The following GRIN2D variants were observed in gnomAD, a reference collection of about 807,000 sequenced individuals.
GRIN2D encodes the protein glutamate receptor ionotropic, NMDA 2D.
A neutral mutation model predicts 103.2 loss-of-function variants in GRIN2D; 37 were observed. The ratio of observed to expected loss-of-function variants is 0.36; its 90% CI spans 0.28 to 0.47. GRIN2D has a LOEUF of 0.47. Among genes scored for constraint, GRIN2D ranks in the 20% least tolerant of loss-of-function variants. The pLI, the probability that GRIN2D is intolerant of heterozygous loss-of-function variation, is 1.00. For synonymous variants in GRIN2D, 845 were observed against 885.6 expected (o/e 0.95, Z 0.81); for missense variants, 1,557 against 1,910.6 (o/e 0.81, Z 3.45).
At chr19:48,409,221 G>T (rs1202373992) in intron 4 of GRIN2D, among the ~76,000 whole-genome samples, 1 of 148,424 alleles carries the variant, frequency 6.7e-6, no homozygotes, top group Non-Finnish European at 1.5e-5. Flanking sequence ...GCTTCTTAAA[G>T]TTTCCACCTC....
chr19:48,415,956 G>C (rs1027730014), intron 7 of GRIN2D, 46 bp from the exon 8 acceptor site: 1 of 1,572,324 alleles, frequency 6.4e-7, no homozygotes, highest in Non-Finnish European at 8.7e-7. Context: ...CAGTCTGTCC[G>C]CTTGAGCCGG....
chr19:48,400,223 T>C (rs930200141), intron 3 of GRIN2D, among the ~76,000 whole-genome samples: 6 of 151,648 alleles, frequency 4.0e-5, no homozygotes, highest in Middle Eastern at 6.9e-3. Context: ...GGATTGAGAA[T>C]GGGTCAGCTA....
chr19:48,419,063 T>C (rs909717016), intron 8 of GRIN2D, among the ~76,000 whole-genome samples, 171 bp from the exon 9 acceptor site: 30 of 151,364 alleles, frequency 2.0e-4, no homozygotes, highest in Non-Finnish European at 4.0e-4. Context: ...TTTTTTTTTT[T>C]TGTAGAGACA....
intron 2 of GRIN2D, among the ~76,000 whole-genome samples, chr19:48,395,688 G>A (rs891591782): frequency 2.0e-5 from 3 of 152,024 alleles, no homozygotes; most frequent in Non-Finnish European, 4.4e-5. Context: ...GGGACAGGCT[G>A]TGCTATGTAC....
At chr19:48,441,398 C>T (rs1362681617) in intron 11 of GRIN2D, among the ~76,000 whole-genome samples, 1 of 150,232 alleles carries the variant, frequency 6.7e-6, no homozygotes, top group Non-Finnish European at 1.5e-5. Context: ...AAGAAAAAGT[C>T]ACAGTTAACA....
chr19:48,422,059 G>A, intron 11 of GRIN2D, 114 bp downstream of exon 11: 1 of 1,036,136 alleles, frequency 9.7e-7, no homozygotes, highest in South Asian at 1.6e-5. Flanking sequence ...AGCCCTGGGT[G>A]GGTCAGCTTG....
intron 4 of GRIN2D, among the ~76,000 whole-genome samples, chr19:48,412,012 G>A (rs1281929485): frequency 6.6e-6 from 1 of 151,446 alleles, no homozygotes. Flanking sequence ...GGGAAAAGTA[G>A]TGAGACCCTA....
rs1363358713 is a variant in GRIN2D at position 48,443,280 on chromosome 19, G to A, written c.3354G>A (p.Ser1118=). Residue 1118 remains serine, a synonymous_variant, in exon 14 of 14, where the codon TCG becomes TCA. Coordinates refer to ENST00000263269, the MANE Select transcript of GRIN2D (RefSeq NM_000836.4). The surrounding 1 kb of genome is among the most constrained non-coding windows in gnomAD (Gnocchi z 8.9). ...LEPSPSDSED[S]ESLGGASLGG... ...CGTCGCCGTCGGACTCGGAGGACTC[G>A]GAGAGCCTGGGCGGCGCGTCGCTGG... 1.3e-6 allele frequency: 2 copies of A among 1,530,748 alleles called. No homozygotes were observed. Among genetic ancestry groups the A allele is most frequent in the African/African-American group, 1.4e-5 (1 of 69,714 alleles). 94.8% of individuals were successfully genotyped at this position (1,530,748 alleles called of 1,614,324 possible).
At chr19:48,403,026 C>T (rs1970737735) in intron 3 of GRIN2D, among the ~76,000 whole-genome samples, 1 of 151,874 alleles carries the variant, frequency 6.6e-6, no homozygotes, top group Admixed American at 6.6e-5. Flanking sequence ...TGGTGAAACC[C>T]TGTCTCTACT....
chr19:48,440,456 G>C (rs1247124529), intron 11 of GRIN2D, among the ~76,000 whole-genome samples: 1 of 152,088 alleles, frequency 6.6e-6, no homozygotes, highest in Non-Finnish European at 1.5e-5. Context: ...AGCCAGATGT[G>C]GTGATGTGTG....
At chr19:48,434,484 A>G (rs1285539052) in intron 11 of GRIN2D, among the ~76,000 whole-genome samples, 1 of 151,082 alleles carries the variant, frequency 6.6e-6, no homozygotes, top group African/African-American at 2.4e-5. Context: ...TGAACTTCTG[A>G]CCTGAGATGA....
At chr19:48,397,856 C>G (rs1331624508) in intron 2 of GRIN2D, among the ~76,000 whole-genome samples, 1 of 151,976 alleles carries the variant, frequency 6.6e-6, no homozygotes, top group African/African-American at 2.4e-5. Context: ...TCTCTCCCCT[C>G]TTACCTCTGT....
chr19:48,410,842 G>C (rs62132017), intron 4 of GRIN2D, among the ~76,000 whole-genome samples: 1 of 152,110 alleles, frequency 6.6e-6, no homozygotes, highest in East Asian at 1.9e-4. Flanking sequence ...GAGACTTGGG[G>C]ACCGATAGGC....
intron 11 of GRIN2D, among the ~76,000 whole-genome samples, chr19:48,431,892 C>CTTTCT (rs1454400521): frequency 5.2e-5 from 7 of 134,222 alleles, no homozygotes; most frequent in Non-Finnish European, 1.1e-4. Context: ...GCCTGCTTTC[C>CTTTCT]TTTCTTTTCT....
chr19:48,442,645 A>G lies in GRIN2D; in HGVS notation c.2719A>G (p.Lys907Glu). 1 of 1,458,646 alleles carries G rather than the reference A, an allele frequency of 6.9e-7. No individual in the cohort carries two copies. Among genetic ancestry groups the G allele is most frequent in the Admixed American group, 2.2e-5 (1 of 46,186 alleles). 90.4% of individuals were successfully genotyped at this position (1,458,646 alleles called of 1,614,324 possible). A position where few individuals can be genotyped will look rare whatever the true frequency, so the allele number is the denominator to read the frequency against. ...CSAEAAPPPA[K>E]PPPPPQPLPS... ...CGCTGAGGCCGCCCCACCGCCCGCC[A>G]AGCCCCCGCCGCCGCCACAGCCCCT... The change falls in exon 14 of 14, where the codon AAG becomes GAG. Residue 907 changes from lysine to glutamate, a missense_variant. By Grantham distance (56) the Lys-to-Glu change is moderately conservative. This residue lies in a region of GRIN2D where 632 missense variants were observed against 572.8 expected (regional missense o/e 1.10). Coordinates refer to ENST00000263269, the MANE Select transcript of GRIN2D (RefSeq NM_000836.4). The surrounding 1 kb of genome is among the most constrained non-coding windows in gnomAD (Gnocchi z 7.2).
intron 11 of GRIN2D, among the ~76,000 whole-genome samples, chr19:48,424,207 G>C (rs1311688681): frequency 1.3e-5 from 2 of 150,162 alleles, no homozygotes; most frequent in African/African-American, 5.0e-5. Flanking sequence ...CTTAAGACCA[G>C]GAGTTCAAGA....
chr19:48,434,755 C>CCTAAATATTTTATTT (rs1971208571), intron 11 of GRIN2D, among the ~76,000 whole-genome samples: 1 of 151,816 alleles, frequency 6.6e-6, no homozygotes, highest in African/African-American at 2.4e-5. Flanking sequence ...TAAATTTATT[C>CCTAAATATTTTATTT]CTAAATATTT....
chr19:48,415,964 C>G, intron 7 of GRIN2D, 38 bp from the exon 8 acceptor site: 1 of 1,587,580 alleles, frequency 6.3e-7, no homozygotes, highest in Non-Finnish European at 8.6e-7. Context: ...CCGCTTGAGC[C>G]GGGTTCCCCC....
intron 11 of GRIN2D, among the ~76,000 whole-genome samples, chr19:48,430,105 A>G (rs910507008): frequency 5.3e-5 from 8 of 152,196 alleles, no homozygotes; most frequent in African/African-American, 1.9e-4. Flanking sequence ...ACAGATGAAT[A>G]TTCAGTGTTT....
Sources: allele counts gnomAD v4.1 joint callset (sites outside exome capture counted in the v4.1 genomes callset), GRCh38; gene constraint gnomAD v4.1.1; regional missense constraint gnomAD v4.1.1; non-coding constraint Gnocchi (gnomAD v3.1); transcripts MANE v1.5; gene names NCBI Gene and HGNC (gene_info 2026-07-23, HGNC 2026-07-21).